The following LAMA1 variants were observed in gnomAD, a reference collection of about 807,000 sequenced individuals.
The protein encoded by LAMA1 is laminin subunit alpha-1.
In LAMA1, 219 loss-of-function variants were observed where a neutral mutation model predicts 348.7. The ratio of observed to expected loss-of-function variants is 0.63; its 90% CI spans 0.56 to 0.70. The LOEUF is 0.70. Among genes scored for constraint, LAMA1 ranks in the 30% least tolerant of loss-of-function variants. The pLI, the probability that LAMA1 is intolerant of heterozygous loss-of-function variation, is 0.00. For missense variants in LAMA1, 3,744 were observed against 3,888.0 expected, an observed-to-expected ratio of 0.96 and a Z score of 0.99; for synonymous variants, 1,487 against 1,491.0, an observed-to-expected ratio of 1.00 and a Z score of 0.06.
In LAMA1 at chr18:6,961,569, G is replaced by T. The variant is rs762915986; in HGVS notation, c.7626+17C>A. On this transcript the variant is annotated intron_variant, in intron 53 of 62. Transcript: ENST00000389658. The stretch of plus-strand genomic sequence containing the variant: ...AATTTCCTGAGCTTGGGGCTCAGGA[G>T]CACTGGCCCTACTCACCACGTGTGC... 1 of 1,612,696 alleles carries T rather than the reference G, an allele frequency of 6.2e-7. No homozygotes were observed. Among genetic ancestry groups the T allele is most frequent in the Non-Finnish European group, 8.5e-7 (1 of 1,179,946 alleles).
At chr18:6,947,849 G>A (rs1434183807) in intron 60 of LAMA1, among the ~76,000 whole-genome samples, 1 of 152,160 alleles carries the variant, frequency 6.6e-6, no homozygotes, top group Non-Finnish European at 1.5e-5. Flanking sequence ...ACCATGCCCA[G>A]GGCTGAAGGG....
intron 38 of LAMA1, 41 bp from the exon 39 acceptor site, chr18:6,985,441 C>T (rs374330730): frequency 7.5e-6 from 12 of 1,604,630 alleles, no homozygotes; most frequent in African/African-American, 1.3e-5. Flanking sequence ...TGCACATCTA[C>T]TTAATAACAG....
At position 7,115,814 on chromosome 18, in the gene LAMA1, C is replaced by CAAAAAAAAAAAAAAAA. The variant is rs557585224; in HGVS notation, c.61+1830_61+1845dup. ...TGAAACCCTGTCTCCACTAAAAATA[C>CAAAAAAAAAAAAAAAA]AAAAAAAAAAAAAAAAAAATAGCCG... On this transcript the variant is annotated intron_variant, in intron 1 of 62. Coordinates refer to ENST00000389658, the MANE Select transcript of LAMA1 (RefSeq NM_005559.4). Among the ~76,000 whole-genome samples the CAAAAAAAAAAAAAAAA allele has an allele frequency of 2.0e-4, 19 of 94,814 alleles. 1 individual carries two copies. The highest frequency in any genetic ancestry group is 1.1e-3 in the East Asian group (2 of 1,886). The allele number at this position is 94,814 out of a possible 152,430, so 62.2% of individuals were successfully genotyped here.
intron 32 of LAMA1, among the ~76,000 whole-genome samples, chr18:6,998,396 G>A (rs2057792558): frequency 1.3e-5 from 2 of 152,156 alleles, no homozygotes; most frequent in South Asian, 4.1e-4. Context: ...GGGAGTTATG[G>A]CACACATTTC....
intron 12 of LAMA1, among the ~76,000 whole-genome samples, chr18:7,037,134 T>A (rs1171509894): frequency 6.6e-6 from 1 of 152,182 alleles, no homozygotes; most frequent in African/African-American, 2.4e-5. Context: ...GCCACGGTAC[T>A]CAAAGTGAGG....
intron 48 of LAMA1, among the ~76,000 whole-genome samples, chr18:6,969,837 T>C (rs1377160600): frequency 6.6e-6 from 1 of 152,092 alleles, no homozygotes. Context: ...GCTGACTTCC[T>C]CATCCCAACA....
chr18:7,076,603 G>C (rs1049720840), intron 3 of LAMA1, among the ~76,000 whole-genome samples: 2 of 150,666 alleles, frequency 1.3e-5, no homozygotes, highest in Non-Finnish European at 1.5e-5. Flanking sequence ...ATTCAGATGA[G>C]AAGAGATTTA....
chr18:7,007,463 C>CAACT (rs1338691851), intron 28 of LAMA1, among the ~76,000 whole-genome samples, 187 bp from the exon 29 acceptor site: 1 of 127,938 alleles, frequency 7.8e-6, no homozygotes. Flanking sequence ...GTTAGGGTAT[C>CAACT]AACTATCAAA....
chr18:7,085,398 T>C (rs1482821027), intron 1 of LAMA1, among the ~76,000 whole-genome samples: 110 of 141,404 alleles, frequency 7.8e-4, no homozygotes, highest in Non-Finnish European at 1.4e-3. Context: ...TTACTCTTTT[T>C]TTCTTCTTCT....
chr18:7,000,558 G>A (rs1404441042), intron 30 of LAMA1, among the ~76,000 whole-genome samples: 2 of 152,180 alleles, frequency 1.3e-5, no homozygotes, highest in Non-Finnish European at 2.9e-5. Context: ...AAATGACAGA[G>A]CCTCTCAAAG....
At chr18:7,104,821 C>G (rs1598322237) in intron 1 of LAMA1, among the ~76,000 whole-genome samples, 1 of 152,246 alleles carries the variant, frequency 6.6e-6, no homozygotes, top group Admixed American at 6.5e-5. Flanking sequence ...CATCCCAGCA[C>G]TTGCAGCTGG....
In LAMA1 at chr18:6,958,574, G is replaced by A. The variant is rs527501893; in HGVS notation, c.7867C>T (p.Leu2623=). ...VESRTINVSN[L]YVGGIPEGEG... The stretch of plus-strand genomic sequence containing the variant: ...CCCTCTGGAATTCCCCCGACGTACA[G>A]ATTGGACACATTTATCGTCCTGCTT... The change falls in exon 55 of 63, where the codon CTG becomes TTG. Residue 2623 remains leucine, a synonymous_variant. Transcript: ENST00000389658. 1.4e-5 allele frequency: 23 copies of A among 1,614,162 alleles called. No homozygotes were observed. In the South Asian group the frequency reaches 2.1e-4, roughly 15 times the overall value.
At chr18:6,953,048 T>C (rs1190878392) in intron 57 of LAMA1, among the ~76,000 whole-genome samples, 5 of 144,412 alleles carry the variant, frequency 3.5e-5, no homozygotes, top group African/African-American at 1.3e-4. Flanking sequence ...CATGTCTGCC[T>C]GTGTCCGGCG....
In LAMA1 at chr18:6,959,450, G is replaced by A; in HGVS notation, c.7669C>T (p.His2557Tyr). The change falls in exon 54 of 63, where the codon CAT becomes TAT. Residue 2557 changes from histidine (H) to tyrosine (Y), a missense_variant. This residue lies in a region of LAMA1 where 1,983 missense variants were observed against 1,934.3 expected (regional missense o/e 1.03). Transcript: ENST00000389658. ...CCTGTCCCATCCCCAGGATTGACATGTACCTCAATGTTGCCTCCGATCAGC... is the reference window on the plus strand; with the variant it reads ...CCTGTCCCATCCCCAGGATTGACATATACCTCAATGTTGCCTCCGATCAGC... ...VMLIGGNIEVHVNPGDGTGLR... is the reference protein window; with the variant it reads ...VMLIGGNIEVYVNPGDGTGLR... The A allele has an allele frequency of 6.2e-7, 1 of 1,614,204 alleles. No homozygotes were observed.
At chr18:6,954,119 A>G (rs968627842) in intron 57 of LAMA1, 5 of 152,212 alleles carry the variant, frequency 3.3e-5, no homozygotes, top group Admixed American at 3.3e-4. Flanking sequence ...ATGGAGAATA[A>G]AAACCATGAA....
chr18:7,059,260 T>C (rs1257568644), intron 3 of LAMA1, among the ~76,000 whole-genome samples: 1 of 152,210 alleles, frequency 6.6e-6, no homozygotes, highest in Non-Finnish European at 1.5e-5. Context: ...TTTGCATGGT[T>C]GACTAAACTG....
chr18:7,057,912 A>G lies in LAMA1; in HGVS notation c.346-6976T>C, dbSNP rs535953803. On this transcript the variant is annotated intron_variant, in intron 3 of 62. Coordinates refer to ENST00000389658, the MANE Select transcript of LAMA1 (RefSeq NM_005559.4). ...TGGGCTCAAGCGGTTCTCCTGCCTC[A>G]GCCTCCCGAGTAGCTGGGATTATAG... Among the ~76,000 whole-genome samples, 17 of 151,040 alleles carry G rather than the reference A, an allele frequency of 1.1e-4. No individual in the cohort carries two copies. In the East Asian group the frequency reaches 3.1e-3, roughly 28 times the overall value.
intron 5 of LAMA1, among the ~76,000 whole-genome samples, chr18:7,047,967 A>G (rs2058048544): frequency 6.6e-6 from 1 of 152,208 alleles, no homozygotes. Context: ...TAAATTTGGG[A>G]TAAGCTAATA....
intron 3 of LAMA1, 100 bp from the exon 4 acceptor site, chr18:7,051,036 T>G: frequency 6.9e-7 from 1 of 1,454,958 alleles, no homozygotes; most frequent in Non-Finnish European, 9.4e-7. Flanking sequence ...GAATCTAAGA[T>G]AGTTGAACTT....
Sources: allele counts gnomAD v4.1 joint callset (sites outside exome capture counted in the v4.1 genomes callset), GRCh38; gene constraint gnomAD v4.1.1; regional missense constraint gnomAD v4.1.1; transcripts MANE v1.5; gene names NCBI Gene and HGNC (gene_info 2026-07-23, HGNC 2026-07-21).